The following WNT10A variants were observed in gnomAD, a reference collection of about 807,000 sequenced individuals.
WNT10A encodes protein Wnt-10a.
A neutral mutation model predicts 36.1 loss-of-function variants in WNT10A; 37 were observed. The ratio of observed to expected loss-of-function variants is 1.02; its 90% CI spans 0.79 to 1.35. The LOEUF (loss-of-function observed/expected upper bound fraction) is 1.35. Among genes scored for constraint, WNT10A ranks in the 40% most tolerant of loss-of-function variants. WNT10A has a pLI of 0.00. For synonymous variants in WNT10A, 255 were observed against 254.1 expected (o/e 1.00, Z -0.03); for missense variants, 613 against 601.4 (o/e 1.02, Z -0.20).
At position 218,882,540 on chromosome 2, in the gene WNT10A, C is replaced by A. The variant is rs531728037; in HGVS notation, c.376+117C>A. On this transcript the variant is annotated intron_variant, in intron 2 of 3. Transcript: ENST00000258411. ...CTGGCATCCTCCCATCCCCACACACCCATCTGTTGGCCCTGCTGCTCTCCT... is the reference window on the plus strand; with the variant it reads ...CTGGCATCCTCCCATCCCCACACACACATCTGTTGGCCCTGCTGCTCTCCT... 4.5e-6 allele frequency: 6 copies of A among 1,337,970 alleles called. No individual in the cohort carries two copies. In the Admixed American group the frequency reaches 5.8e-5, roughly 13 times the overall value. The allele number at this position is 1,337,970 out of a possible 1,614,324, so 82.9% of individuals were successfully genotyped here.
chr2:218,882,299 A>G lies in WNT10A; in HGVS notation c.252A>G (p.Ser84=). The G allele has an allele frequency of 6.2e-7, 1 of 1,614,162 alleles. No homozygotes were observed. The highest frequency in any genetic ancestry group is 8.5e-7 in the Non-Finnish European group (1 of 1,180,030). ...TGCGTCACCCTGATGTGGCTGCCTC[A>G]GCCATACAGGGCATCCAGATCGCCA... The part of the protein sequence containing the change: ...VCVRHPDVAA[S]AIQGIQIAIH... The change falls in exon 2 of 4, where the codon TCA becomes TCG. Residue 84 remains serine (S), a synonymous_variant. Coordinates refer to ENST00000258411, the MANE Select transcript of WNT10A (RefSeq NM_025216.3).
rs1944508980 is a variant in WNT10A at position 218,881,174 on chromosome 2, T to G, written c.113+66T>G. 9.7e-6 allele frequency: 15 copies of G among 1,547,024 alleles called. 2 individuals carry two copies. In the South Asian group the frequency reaches 1.8e-4, roughly 18 times the overall value. On this transcript the variant is annotated intron_variant, in intron 1 of 3. Coordinates refer to ENST00000258411, the MANE Select transcript of WNT10A (RefSeq NM_025216.3). The stretch of plus-strand genomic sequence containing the variant: ...GACCCCGGCCTGCAGGGGCCTCTGA[T>G]GCTCTTGCTGGGGTAGAGGACCCTG...
chr2:218,876,778 A>G (rs1015004669), upstream of WNT10A, among the ~76,000 whole-genome samples: 1 of 152,202 alleles, frequency 6.6e-6, no homozygotes, highest in African/African-American at 2.4e-5. Flanking sequence ...AAACTCCTGC[A>G]CTTCTCTCAG....
Position 218,893,173 on chromosome 2 carries a change from C to T in WNT10A, c.1156C>T (p.Gln386Ter), listed in dbSNP as rs775685826. ...CGGCCGCGGCCACAACATCCTGCGC[C>T]AGACGCGCAGCGAGCGCTGCCACTG... ...CCGRGHNILR[Q>*]TRSERCHCRF... The change falls in exon 4 of 4, where the codon CAG becomes TAG. Residue 386 changes from glutamine (Q) to a stop codon, truncating the protein, a stop_gained. Transcript: ENST00000258411. LOFTEE classifies it high-confidence loss of function. This position sits in a 1 kb window ranked among gnomAD's most constrained non-coding sequence, Gnocchi z 6.3. 6.3e-7 allele frequency: 1 copy of T among 1,584,140 alleles called. No individual in the cohort carries two copies. Among genetic ancestry groups the T allele is most frequent in the Non-Finnish European group, 8.5e-7 (1 of 1,171,934 alleles).
upstream of WNT10A, among the ~76,000 whole-genome samples, chr2:218,877,932 T>TGGGCTGGGGCTGG (rs1944467748): frequency 6.6e-6 from 1 of 152,102 alleles, no homozygotes; most frequent in Non-Finnish European, 1.5e-5. This position sits in a 1 kb window ranked among gnomAD's most constrained non-coding sequence, Gnocchi z 4.1. Flanking sequence ...TGGACTGGGC[T>TGGGCTGGGGCTGG]AGGCTGGGGC....
intron 3 of WNT10A, among the ~76,000 whole-genome samples, chr2:218,891,959 T>C (rs1944655376): frequency 6.6e-6 from 1 of 152,102 alleles, no homozygotes; most frequent in African/African-American, 2.4e-5. Flanking sequence ...GAGCAGGTTG[T>C]GAGCTGGGTT....
rs201375368 is a variant in WNT10A at position 218,890,216 on chromosome 2, A to G, written c.609A>G (p.Pro203=). 44 of 1,614,020 alleles carry G rather than the reference A, an allele frequency of 2.7e-5. No individual in the cohort carries two copies. The Admixed American group carries it at 6.0e-4, about 22-fold the overall frequency. The change falls in exon 3 of 4, where the codon CCA becomes CCG. Residue 203 remains proline (P), a synonymous_variant. Transcript: ENST00000258411. ...ACCCAGCCCTGCCCACAGCCAGCCC[A>G]GGCCTGCAGGACTCCTGGGAGTGGG... The part of the protein sequence containing the change: ...PEHPALPTAS[P]GLQDSWEWGG...
chr2:218,891,902 G>A (rs950705072), intron 3 of WNT10A, among the ~76,000 whole-genome samples: 2 of 152,116 alleles, frequency 1.3e-5, no homozygotes, highest in African/African-American at 4.8e-5. Context: ...AACTTCTTAC[G>A]GGGTTTCTGG....
Position 218,890,097 on chromosome 2 carries a change from C to T in WNT10A, c.490C>T (p.Arg164Ter), listed in dbSNP as rs561173643. The T allele has an allele frequency of 2.5e-6, 4 of 1,614,112 alleles. No individual in the cohort carries two copies. The highest frequency in any genetic ancestry group is 2.2e-5 in the East Asian group (1 of 44,882). ...GGCCTGTGGCTGTGATGCGTCCCGG[C>T]GAGGGGACGAGGAGGCCTTCCGTAG... ...LKACGCDASR[R>*]GDEEAFRRKL... The change falls in exon 3 of 4, where the codon CGA becomes TGA. Residue 164 changes from arginine to a stop codon, truncating the protein, a stop_gained. Coordinates refer to ENST00000258411, the MANE Select transcript of WNT10A (RefSeq NM_025216.3). LOFTEE classifies it high-confidence loss of function.
rs1419453368 is a variant in WNT10A at position 218,881,194 on chromosome 2, ACC to A, written c.113+88_113+89del. 2.6e-6 allele frequency: 4 copies of A among 1,533,038 alleles called. No individual in the cohort carries two copies. The African/African-American group carries it at 5.5e-5, about 21-fold the overall frequency. The allele number at this position is 1,533,038 out of a possible 1,614,324, so 95.0% of individuals were successfully genotyped here. ...TCTGATGCTCTTGCTGGGGTAGAGGACCCTGGAAGAAGGGAGGGACAGGGTCA... is the reference window on the plus strand; with the variant it reads ...TCTGATGCTCTTGCTGGGGTAGAGGACTGGAAGAAGGGAGGGACAGGGTCA... On this transcript the variant is annotated intron_variant, in intron 1 of 3. Coordinates refer to ENST00000258411, the MANE Select transcript of WNT10A (RefSeq NM_025216.3).
chr2:218,876,523 C>G (rs752273179), upstream of WNT10A, among the ~76,000 whole-genome samples: 31 of 152,122 alleles, frequency 2.0e-4, no homozygotes, highest in Non-Finnish European at 3.8e-4. Context: ...TCCTTTCTGC[C>G]TCCTCTTGGC....
chr2:218,889,405 C>T (rs982587958), intron 2 of WNT10A, among the ~76,000 whole-genome samples: 1 of 152,132 alleles, frequency 6.6e-6, no homozygotes, highest in South Asian at 2.1e-4. Context: ...GTATCTTTTT[C>T]GTATAATGAC....
intron 3 of WNT10A, among the ~76,000 whole-genome samples, chr2:218,890,575 C>G (rs960367979): frequency 6.6e-6 from 1 of 152,184 alleles, no homozygotes; most frequent in Non-Finnish European, 1.5e-5. Flanking sequence ...CAGAAACAAG[C>G]CCTGTTGCCC....
rs1412052213 is a variant in WNT10A, at chr2:218,892,760, G to A, written c.757-14G>A. Reference sequence around the variant, plus strand: ...TGCGCGCCGTGTCACCCCTCACGGTGCCTCCCTCCGCAGGCAGTGATGGAG... The same window carrying A: ...TGCGCGCCGTGTCACCCCTCACGGTACCTCCCTCCGCAGGCAGTGATGGAG... On this transcript the variant is annotated splice_polypyrimidine_tract_variant and intron_variant, in intron 3 of 3. Coordinates refer to ENST00000258411, the MANE Select transcript of WNT10A (RefSeq NM_025216.3). 1 of 1,576,080 alleles carries A rather than the reference G, an allele frequency of 6.3e-7. No homozygotes were observed. Among genetic ancestry groups the A allele is most frequent in the Non-Finnish European group, 8.6e-7 (1 of 1,162,070 alleles).
intron 2 of WNT10A, among the ~76,000 whole-genome samples, chr2:218,883,457 C>G (rs1944541077): frequency 6.6e-6 from 1 of 152,054 alleles, no homozygotes; most frequent in Non-Finnish European, 1.5e-5. Context: ...CCCTTTTCAC[C>G]AGGACCCCTG....
chr2:218,874,580 T>C, the WNT10A span, among the ~76,000 whole-genome samples: 1 of 152,202 alleles, frequency 6.6e-6, no homozygotes, highest in Non-Finnish European at 1.5e-5. Flanking sequence ...CAGAGGGCAG[T>C]TCTGGATTCT....
At position 218,881,101 on chromosome 2, in the gene WNT10A, A is replaced by T. The variant is rs1365925081; in HGVS notation, c.106A>T (p.Met36Leu). 2 of 1,596,438 alleles carry T rather than the reference A, an allele frequency of 1.3e-6. No individual in the cohort carries two copies. Among genetic ancestry groups the T allele is most frequent in the Non-Finnish European group, 1.7e-6 (2 of 1,171,336 alleles). ...LFFLLLLAAA[M>L]PRSAPNDILD... Reference sequence around the variant, plus strand: ...CTTCCTACTGCTGCTGGCTGCTGCCATGCCCAGGTGAGCCCTCACCTCATG... The same window carrying T: ...CTTCCTACTGCTGCTGGCTGCTGCCTTGCCCAGGTGAGCCCTCACCTCATG... Residue 36 changes from methionine (M) to leucine (L), a missense_variant, in exon 1 of 4, where the codon ATG (methionine) becomes TTG (leucine). Physicochemically the swap from Met to Leu is conservative, Grantham distance 15. Coordinates refer to ENST00000258411, the MANE Select transcript of WNT10A (RefSeq NM_025216.3).
Position 218,893,680 on chromosome 2 carries a change from A to C in WNT10A, c.*409A>C. The C allele has an allele frequency of 5.5e-6, 1 of 181,594 alleles. No individual in the cohort carries two copies. The allele number at this position is 181,594 out of a possible 1,614,324, so 11.2% of individuals were successfully genotyped here. Reference sequence around the variant, plus strand: ...GAGGAGGATTAAAAAAAAGAAATAGACATAACTGAGCTGAAGTAATTCCAT... The same window carrying C: ...GAGGAGGATTAAAAAAAAGAAATAGCCATAACTGAGCTGAAGTAATTCCAT... On this transcript the variant is annotated 3_prime_UTR_variant, in exon 4 of 4. Transcript: ENST00000258411. This position sits in a 1 kb window ranked among gnomAD's most constrained non-coding sequence, Gnocchi z 6.3.
In WNT10A at chr2:218,892,948, G is replaced by GA. The variant is rs2106018397; in HGVS notation, c.932dup (p.Pro312AlafsTer116). The GA allele has an allele frequency of 6.9e-7, 1 of 1,457,168 alleles. No individual in the cohort carries two copies. Among genetic ancestry groups the GA allele is most frequent in the Non-Finnish European group, 9.0e-7 (1 of 1,109,266 alleles). 90.3% of individuals were successfully genotyped at this position (1,457,168 alleles called of 1,614,324 possible). On this transcript the variant is annotated frameshift_variant, in exon 4 of 4. Coordinates refer to ENST00000258411, the MANE Select transcript of WNT10A (RefSeq NM_025216.3). LOFTEE classifies it high-confidence loss of function. ...GCACAACCGCAACGGCGGCCAGCTG[G>GA]AGCCGGGCCCAGCGGGGGCACCCTC... is the stretch of plus-strand genomic sequence containing the variant.
Sources: allele counts gnomAD v4.1 joint callset (sites outside exome capture counted in the v4.1 genomes callset), GRCh38; gene constraint gnomAD v4.1.1; non-coding constraint Gnocchi (gnomAD v3.1); transcripts MANE v1.5; gene names NCBI Gene and HGNC (gene_info 2026-07-23, HGNC 2026-07-21).